The following ARHGAP32 variants were observed in gnomAD, a reference collection of about 807,000 sequenced individuals.
ARHGAP32 encodes Rho GTPase activating protein 32.
In ARHGAP32, 51 loss-of-function variants were observed where a neutral mutation model predicts 186.5. The observed-to-expected ratio is 0.27, with a 90% confidence interval of 0.22 to 0.35. ARHGAP32 has a LOEUF of 0.35. ARHGAP32 is among the 10% of genes least tolerant of loss of function. The probability of loss-of-function intolerance (pLI) is 1.00; values close to 1 mark genes in which losing one functional copy is unlikely to be tolerated. For missense variants in ARHGAP32, 2,186 were observed against 2,623.5 expected (o/e 0.83, Z 3.64); for synonymous variants, 950 against 964.3 (o/e 0.99, Z 0.27).
At position 129,081,620 on chromosome 11, in the gene ARHGAP32, C is replaced by A. The variant is rs550589529; in HGVS notation, c.531+12001G>T. 3.9e-3 allele frequency among the ~76,000 whole-genome samples: 594 copies of A among 151,896 alleles called. 2 individuals are homozygous for A. The highest frequency in any genetic ancestry group is 0.014 in the African/African-American group (568 of 41,504). On this transcript the variant is annotated intron_variant, in intron 6 of 22. Transcript: ENST00000682385. ...AAGGGACATACCTTATAAAACTCATCTATGACAAACCCGCAGCAAACATTA... is the reference window on the plus strand; with the variant it reads ...AAGGGACATACCTTATAAAACTCATATATGACAAACCCGCAGCAAACATTA...
chr11:129,063,852 C>A, intron 9 of ARHGAP32, 50 bp downstream of exon 9: 2 of 1,558,210 alleles, frequency 1.3e-6, no homozygotes, highest in African/African-American at 1.4e-5. Flanking sequence ...AAAGATGAGG[C>A]CAGAAAGTTA....
intron 1 of ARHGAP32, among the ~76,000 whole-genome samples, chr11:129,268,992 C>T (rs1945441548): frequency 6.6e-6 from 1 of 152,278 alleles, no homozygotes; most frequent in African/African-American, 2.4e-5. Flanking sequence ...AACACATGGC[C>T]GGGCACAGTG....
intron 11 of ARHGAP32, among the ~76,000 whole-genome samples, chr11:129,030,238 G>T (rs1479339828): frequency 6.6e-6 from 1 of 152,128 alleles, no homozygotes; most frequent in Non-Finnish European, 1.5e-5. Flanking sequence ...ATATAAATGT[G>T]TGGTCACTTC....
At chr11:129,152,089 A>G (rs1169909052) in intron 2 of ARHGAP32, among the ~76,000 whole-genome samples, 1 of 152,170 alleles carries the variant, frequency 6.6e-6, no homozygotes, top group Non-Finnish European at 1.5e-5. Flanking sequence ...TACTATTAAC[A>G]CCTTTATGTG....
chr11:129,129,666 G>A (rs1451498119), intron 2 of ARHGAP32, among the ~76,000 whole-genome samples: 1 of 152,154 alleles, frequency 6.6e-6, no homozygotes, highest in Non-Finnish European at 1.5e-5. Flanking sequence ...AGACATGGGA[G>A]ACTCCAAAAA....
intron 6 of ARHGAP32, among the ~76,000 whole-genome samples, chr11:129,081,966 C>T (rs949406338): frequency 6.6e-6 from 1 of 152,168 alleles, no homozygotes; most frequent in South Asian, 2.1e-4. Flanking sequence ...AGCAACCAAG[C>T]TGAGAATACA....
At chr11:129,233,636 C>T (rs76020147) in intron 1 of ARHGAP32, among the ~76,000 whole-genome samples, 1 of 150,552 alleles carries the variant, frequency 6.6e-6, no homozygotes. Context: ...AAAAAAAAAC[C>T]TGCAACAATC....
rs547186195 is a variant in ARHGAP32 at position 129,056,279 on chromosome 11, T to C, written c.963+6001A>G. ...GTAACTATACAAAAATCAAGTCTAT[T>C]GATTATTATTTTTATTTTTGACAAG... On this transcript the variant is annotated intron_variant, in intron 10 of 22. Transcript: ENST00000682385. Among the ~76,000 whole-genome samples, 3 of 152,278 alleles carry C rather than the reference T, an allele frequency of 2.0e-5. No homozygotes were observed. In the South Asian group the frequency reaches 6.2e-4, roughly 32 times the overall value.
intron 10 of ARHGAP32, among the ~76,000 whole-genome samples, chr11:129,043,417 G>A (rs969353123): frequency 1.8e-5 from 2 of 112,990 alleles, no homozygotes; most frequent in African/African-American, 3.5e-5. Flanking sequence ...ACGGAGGTTC[G>A]TTCTTGTTGC....
intron 1 of ARHGAP32, among the ~76,000 whole-genome samples, chr11:129,213,445 G>C (rs1944606993): frequency 6.6e-6 from 1 of 152,158 alleles, no homozygotes; most frequent in Admixed American, 6.5e-5. Flanking sequence ...CCTGCAACTG[G>C]CAGCAGGTGC....
At chr11:129,105,632 G>A (rs781285137) in intron 5 of ARHGAP32, among the ~76,000 whole-genome samples, 13 of 151,746 alleles carry the variant, frequency 8.6e-5, no homozygotes, top group African/African-American at 1.7e-4. Flanking sequence ...CAAACAAACC[G>A]CAGCCATGAA....
chr11:129,225,043 G>C (rs1010718964), intron 1 of ARHGAP32, among the ~76,000 whole-genome samples: 1 of 152,030 alleles, frequency 6.6e-6, no homozygotes, highest in African/African-American at 2.4e-5. Flanking sequence ...AGAGTTTAAG[G>C]CTGCAGTGAG....
intron 11 of ARHGAP32, among the ~76,000 whole-genome samples, chr11:129,001,630 T>C (rs893829168): frequency 1.3e-5 from 2 of 152,202 alleles, no homozygotes; most frequent in African/African-American, 4.8e-5. Context: ...GATCCCACTG[T>C]CCATTTTTGC....
rs554096421 is a variant in ARHGAP32, at chr11:128,966,580, G to A, written c.*2327C>T. The A allele has an allele frequency of 1.1e-4, 17 of 152,166 alleles. No individual in the cohort carries two copies. Among genetic ancestry groups the A allele is most frequent in the African/African-American group, 4.1e-4 (17 of 41,538 alleles). The allele number at this position is 152,166 out of a possible 1,614,324, so 9.4% of individuals were successfully genotyped here. Reference sequence around the variant, plus strand: ...TTTACCTGATATTTCTAAACCCACAGGACATTTATTAATAAAGAAATTGTT... The same window carrying A: ...TTTACCTGATATTTCTAAACCCACAAGACATTTATTAATAAAGAAATTGTT... On this transcript the variant is annotated 3_prime_UTR_variant, in exon 23 of 23. Transcript: ENST00000682385.
intron 2 of ARHGAP32, among the ~76,000 whole-genome samples, chr11:129,163,318 C>A (rs7936445): frequency 6.6e-6 from 1 of 151,958 alleles, no homozygotes; most frequent in Admixed American, 6.6e-5. Context: ...ATGTCCTCTC[C>A]CACAAAAGAA....
At chr11:129,110,731 TATTTC>T (rs1166544373) in intron 5 of ARHGAP32, among the ~76,000 whole-genome samples, 3 of 152,230 alleles carry the variant, frequency 2.0e-5, no homozygotes, top group African/African-American at 4.8e-5. Flanking sequence ...CATTTTCAGC[TATTTC>T]ATTACTGCTA....
intron 5 of ARHGAP32, among the ~76,000 whole-genome samples, chr11:129,102,401 A>C (rs1408360897): frequency 6.6e-6 from 1 of 152,232 alleles, no homozygotes; most frequent in Non-Finnish European, 1.5e-5. Context: ...AAAGACACAC[A>C]GTGGCAAACT....
chr11:129,095,954 G>C (rs537060235), intron 5 of ARHGAP32, among the ~76,000 whole-genome samples: 1 of 152,302 alleles, frequency 6.6e-6, no homozygotes, highest in East Asian at 1.9e-4. Flanking sequence ...ATTTAAAGTA[G>C]TGATAAACTC....
intron 1 of ARHGAP32, among the ~76,000 whole-genome samples, chr11:129,203,646 T>C (rs1177316374): frequency 4.6e-5 from 7 of 150,682 alleles, no homozygotes; most frequent in African/African-American, 1.7e-4. Context: ...TCCCAGCACT[T>C]TGAGAGGCTG....
Sources: allele counts gnomAD v4.1 joint callset (sites outside exome capture counted in the v4.1 genomes callset), GRCh38; gene constraint gnomAD v4.1.1; transcripts MANE v1.5; gene names NCBI Gene and HGNC (gene_info 2026-07-23, HGNC 2026-07-21).